Variants in XYLT2 observed in about 807,000 individuals in gnomAD.
XYLT2 encodes the protein UDP-D-xylose:proteoglycan core protein beta-D-xylosyltransferase.
A neutral mutation model predicts 82.6 loss-of-function variants in XYLT2; 37 were observed. The ratio of observed to expected loss-of-function variants is 0.45; its 90% CI spans 0.34 to 0.59. The LOEUF (loss-of-function observed/expected upper bound fraction) is 0.59. Ranked by LOEUF, XYLT2 falls within the 20% of genes least tolerant of loss-of-function variation. The pLI is 0.01. For synonymous variants in XYLT2, 474 were observed against 499.0 expected, an observed-to-expected ratio of 0.95 and a Z score of 0.67; for missense variants, 934 against 1,181.3, an observed-to-expected ratio of 0.79 and a Z score of 3.07.
chr17:50,355,254 A>G (rs1234797203), intron 4 of XYLT2, among the ~76,000 whole-genome samples, 198 bp downstream of exon 4: 1 of 152,116 alleles, frequency 6.6e-6, no homozygotes, highest in African/African-American at 2.4e-5. Flanking sequence ...TGAGCATGAT[A>G]GGAGATGGGG....
intron 1 of XYLT2, among the ~76,000 whole-genome samples, chr17:50,349,394 T>C (rs1012420751): frequency 6.6e-6 from 1 of 152,068 alleles, no homozygotes; most frequent in African/African-American, 2.4e-5. Context: ...CTGCCTCCTC[T>C]TGCAGGTATC....
At chr17:50,356,908 G>C in intron 8 of XYLT2, 135 bp downstream of exon 8, 1 of 1,475,304 alleles carries the variant, frequency 6.8e-7, no homozygotes, top group Non-Finnish European at 9.0e-7. Flanking sequence ...CCGAAAAGAC[G>C]GCTAGAGCCA....
intron 10 of XYLT2, 79 bp from the exon 11 acceptor site, chr17:50,359,890 A>G: frequency 3.8e-6 from 5 of 1,304,980 alleles, no homozygotes; most frequent in Non-Finnish European, 5.2e-6. Flanking sequence ...GAACTGGGGT[A>G]CCCAGACCCA....
rs200160055 is a variant in XYLT2, at chr17:50,355,781, G to A, written c.1089G>A (p.Arg363=). 55 of 1,614,074 alleles carry A rather than the reference G, an allele frequency of 3.4e-5. No individual in the cohort carries two copies. The highest frequency in any genetic ancestry group is 1.0e-4 in the Admixed American group (6 of 60,012). ...GCCATGGCCTCTCTGCTGCCCACAG[G>A]TTCATCAAGAAACAGGGCCTGGACC... ...FLKSHGRDNS[R]FIKKQGLDRL... The change falls in exon 6 of 11, where the codon AGG becomes AGA. Residue 363 remains arginine, a splice_region_variant and synonymous_variant. Transcript: ENST00000017003.
intron 6 of XYLT2, 40 bp from the exon 7 acceptor site, chr17:50,356,045 T>C: frequency 1.9e-6 from 3 of 1,614,114 alleles, no homozygotes; most frequent in Non-Finnish European, 2.5e-6. Flanking sequence ...TGGGTTGGGC[T>C]GCCTGCAGCT....
At chr17:50,348,750 G>A (rs1912139742) in intron 1 of XYLT2, among the ~76,000 whole-genome samples, 2 of 152,202 alleles carry the variant, frequency 1.3e-5, no homozygotes, top group South Asian at 4.1e-4. Flanking sequence ...TGGAGCTACA[G>A]AGCCAGGAAG....
Position 50,356,086 on chromosome 17 carries a change from CCTT to C in XYLT2, c.1312_1314del (p.Phe438del). ...TCCACTCTCCCTTGCTGCTTGCAGT[CCTT>C]CTTCCACACGGTGCTGGAGAACAGC... On this transcript the variant is annotated inframe_deletion and splice_region_variant, in exon 7 of 11. Transcript: ENST00000017003. 1.2e-6 allele frequency: 2 copies of C among 1,614,172 alleles called. No homozygotes were observed. The highest frequency in any genetic ancestry group is 1.7e-6 in the Non-Finnish European group (2 of 1,179,964).
intron 7 of XYLT2, 59 bp from the exon 8 acceptor site, chr17:50,356,452 C>T: frequency 6.3e-7 from 1 of 1,589,284 alleles, no homozygotes; most frequent in East Asian, 2.2e-5. Flanking sequence ...AGGGGCCAGC[C>T]CCACCATGCC....
At chr17:50,353,582 G>C (rs1051122605) in intron 1 of XYLT2, 48 bp from the exon 2 acceptor site, 8 of 1,529,218 alleles carry the variant, frequency 5.2e-6, no homozygotes, top group Non-Finnish European at 7.0e-6. Flanking sequence ...CAAGGAACAG[G>C]AGGAGGTGAG....
At chr17:50,359,620 T>C (rs1435152231) in intron 10 of XYLT2, 1 of 243,066 alleles carries the variant, frequency 4.1e-6, no homozygotes, top group Non-Finnish European at 7.9e-6. Context: ...TGTCTGTGCA[T>C]GAAGAGCTGA....
chr17:50,347,549 T>G (rs1310173875), intron 1 of XYLT2, among the ~76,000 whole-genome samples: 1 of 151,998 alleles, frequency 6.6e-6, no homozygotes. Context: ...TCAGGCCCAG[T>G]GTAAGAAGAC....
Position 50,346,242 on chromosome 17 carries a change from CT to C in XYLT2, c.104del (p.Phe35SerfsTer65). On this transcript the variant is annotated frameshift_variant, in exon 1 of 11. Transcript: ENST00000017003. LOFTEE classifies it high-confidence loss of function. This position sits in a 1 kb window ranked among gnomAD's most constrained non-coding sequence, Gnocchi z 5.1. ...TGCTGCAGGGCCTGGTAGTGTGGAG[CT>C]TCAGCGGCCTGGAGGAGGACGAGGC... is the stretch of plus-strand genomic sequence containing the variant. Reference protein sequence around the residue: ...LLLQGLVVWSFSGLEEDEAGE... With the variant: ...LLLQGLVVWSXSGLEEDEAGE... 8.1e-7 allele frequency: 1 copy of C among 1,234,960 alleles called. No homozygotes were observed. Among genetic ancestry groups the C allele is most frequent in the South Asian group, 1.7e-5 (1 of 57,774 alleles). The allele number at this position is 1,234,960 out of a possible 1,614,324, so 76.5% of individuals were successfully genotyped here.
Position 50,355,569 on chromosome 17 carries a change from G to A in XYLT2, c.1076G>A (p.Arg359Gln), listed in dbSNP as rs2143222335. ...RDKNFLKSHG[R>Q]DNSRFIKKQG... ...AAGAATTTCCTCAAGTCACATGGCC[G>A]GGACAACTCCAGGTGAGGGGGTGGG... The change falls in exon 5 of 11, where the codon CGG becomes CAG. Residue 359 changes from arginine (R) to glutamine (Q), a missense_variant. Around this residue, in one of 3 missense-constraint regions of XYLT2, gnomAD observed 189 missense variants for 320.8 expected, o/e 0.59. Coordinates refer to ENST00000017003, the MANE Select transcript of XYLT2 (RefSeq NM_022167.4). 11 of 1,614,070 alleles carry A rather than the reference G, an allele frequency of 6.8e-6. No individual in the cohort carries two copies. Among genetic ancestry groups the A allele is most frequent in the Middle Eastern group, 1.6e-4 (1 of 6,062 alleles).
rs769862588 is a variant in XYLT2 at position 50,357,084 on chromosome 17, C to A, written c.1773C>A (p.Ser591Arg). The part of the protein sequence containing the change: ...CRFEPRGLPS[S>R]VHLYFYDDHF... ...TTGAGCCCAGGGGCTTGCCGTCCAG[C>A]GTGCACCTGTATTTCTATGACGACC... The change falls in exon 9 of 11, where the codon AGC (serine) becomes AGA (arginine). Residue 591 changes from serine to arginine, a missense_variant. Physicochemically the swap from Ser to Arg is moderately radical, Grantham distance 110. Coordinates refer to ENST00000017003, the MANE Select transcript of XYLT2 (RefSeq NM_022167.4). 20 of 1,611,706 alleles carry A rather than the reference C, an allele frequency of 1.2e-5. No individual in the cohort carries two copies. In the East Asian group the frequency reaches 1.6e-4, roughly 13 times the overall value.
rs373326489 is a variant in XYLT2, at chr17:50,354,542, G to A, written c.763G>A (p.Val255Ile). ...CCAGCTGAAGCGTCTCCTCAAGGCC[G>A]TTTATCACGAGCAGCACTTCTTTTA... ...IRQLKRLLKA[V>I]YHEQHFFYIH... The change falls in exon 3 of 11, where the codon GTT (valine) becomes ATT (isoleucine). Residue 255 changes from valine (V) to isoleucine (I), a missense_variant. Val to Ile is a conservative substitution (Grantham distance 29, BLOSUM62 3). Coordinates refer to ENST00000017003, the MANE Select transcript of XYLT2 (RefSeq NM_022167.4). 43 of 1,612,688 alleles carry A rather than the reference G, an allele frequency of 2.7e-5. No homozygotes were observed. The East Asian group carries it at 4.2e-4, about 16-fold the overall frequency.
At chr17:50,350,928 T>G (rs1912242093) in intron 1 of XYLT2, among the ~76,000 whole-genome samples, 1 of 151,124 alleles carries the variant, frequency 6.6e-6, no homozygotes, top group African/African-American at 2.4e-5. Context: ...GAGCCAGGAG[T>G]GCCAGGGGGG....
intron 9 of XYLT2, chr17:50,357,919 T>A: frequency 2.5e-6 from 1 of 392,960 alleles, no homozygotes; most frequent in Non-Finnish European, 4.6e-6. Context: ...TGGCTTCATG[T>A]GGGAATGGTC....
Position 50,346,285 on chromosome 17 carries a change from C to CGGCCGGGCGGGCGGGCA in XYLT2, c.135+20_135+36dup, listed in dbSNP as rs1912032016. ...GGACGAGGCGGGCGAGGTGCTCCGACGGCCGGGCGGGCGGGCAGGCCGGGC... is the reference window on the plus strand; with the variant it reads ...GGACGAGGCGGGCGAGGTGCTCCGACGGCCGGGCGGGCGGGCAGGCCGGGCGGGCGGGCAGGCCGGGC... On this transcript the variant is annotated intron_variant, in intron 1 of 10. Transcript: ENST00000017003. The surrounding 1 kb of genome is among the most constrained non-coding windows in gnomAD (Gnocchi z 5.1). The CGGCCGGGCGGGCGGGCA allele has an allele frequency of 9.1e-7, 1 of 1,094,524 alleles. No individual in the cohort carries two copies. Among genetic ancestry groups the CGGCCGGGCGGGCGGGCA allele is most frequent in the African/African-American group, 1.7e-5 (1 of 58,862 alleles). 67.8% of individuals were successfully genotyped at this position (1,094,524 alleles called of 1,614,324 possible).
intron 1 of XYLT2, among the ~76,000 whole-genome samples, chr17:50,351,130 G>A (rs1227338563): frequency 1.3e-5 from 2 of 152,174 alleles, no homozygotes; most frequent in African/African-American, 4.8e-5. Context: ...GGGGAGTGGT[G>A]AAATGGGATT....
Sources: allele counts gnomAD v4.1 joint callset (sites outside exome capture counted in the v4.1 genomes callset), GRCh38; gene constraint gnomAD v4.1.1; regional missense constraint gnomAD v4.1.1; non-coding constraint Gnocchi (gnomAD v3.1); transcripts MANE v1.5; gene names NCBI Gene and HGNC (gene_info 2026-07-23, HGNC 2026-07-21).